The following KIF26A variants were observed in gnomAD, a reference collection of about 807,000 sequenced individuals.
The protein encoded by KIF26A is kinesin family member 26A.
Under a neutral mutation model 126.0 loss-of-function variants are expected in KIF26A, and 74 were observed. The ratio of observed to expected loss-of-function variants is 0.59; its 90% confidence interval spans 0.49 to 0.71. The LOEUF is 0.71. Ranked by LOEUF, KIF26A falls within the 30% of genes least tolerant of loss-of-function variation. The probability of loss-of-function intolerance (pLI) is 0.00; values close to 1 mark genes in which losing one functional copy is unlikely to be tolerated. For synonymous variants in KIF26A, 1,445 were observed against 1,232.7 expected, an observed-to-expected ratio of 1.17 and a Z score of -3.61; for missense variants, 2,984 against 2,763.3, an observed-to-expected ratio of 1.08 and a Z score of -1.79.
At chr14:104,149,231 T>G (rs1254843218) in intron 2 of KIF26A, among the ~76,000 whole-genome samples, 3 of 151,714 alleles carry the variant, frequency 2.0e-5, no homozygotes. Flanking sequence ...TGGGTGGGCC[T>G]CTCAGTGCCC....
chr14:104,155,692 G>A (rs890326436), intron 3 of KIF26A, among the ~76,000 whole-genome samples: 1 of 152,250 alleles, frequency 6.6e-6, no homozygotes, highest in Non-Finnish European at 1.5e-5. Flanking sequence ...GCGGTGTCCC[G>A]GCAGCGCGTG....
intron 4 of KIF26A, among the ~76,000 whole-genome samples, chr14:104,163,917 G>T (rs1197078329): frequency 1.3e-5 from 2 of 152,094 alleles, no homozygotes; most frequent in Non-Finnish European, 2.9e-5. Context: ...GTAGCCGTGG[G>T]TTTGGTTCCT....
At chr14:104,147,428 A>G (rs1326304457) in intron 2 of KIF26A, among the ~76,000 whole-genome samples, 1 of 151,930 alleles carries the variant, frequency 6.6e-6, no homozygotes, top group Non-Finnish European at 1.5e-5. Context: ...CCAGCAGAGG[A>G]GGAAGGGGGT....
At position 104,152,326 on chromosome 14, in the gene KIF26A, G is replaced by T. The variant is rs2037737639; in HGVS notation, c.600G>T (p.Gly200=). 4 of 1,580,654 alleles carry T rather than the reference G, an allele frequency of 2.5e-6. No homozygotes were observed. The highest frequency in any genetic ancestry group is 2.3e-5 in the South Asian group (2 of 86,610). Residue 200 remains glycine, a synonymous_variant, in exon 3 of 15, where the codon GGG becomes GGT. Transcript: ENST00000423312. This position sits in a 1 kb window ranked among gnomAD's most constrained non-coding sequence, Gnocchi z 5.9. ...CCAAGGGGCTGGCCTGGTCCCCCGG[G>T]CCCAGTGTCCAGGTGTCTGTAGCAC... The part of the protein sequence containing the change: ...DRTKGLAWSP[G]PSVQVSVAPA...
rs1230129788 is a variant in KIF26A, at chr14:104,175,039, C to T, written c.2251C>T (p.Pro751Ser). 6.4e-7 allele frequency: 1 copy of T among 1,568,722 alleles called. No homozygotes were observed. Among genetic ancestry groups the T allele is most frequent in the Non-Finnish European group, 8.6e-7 (1 of 1,160,304 alleles). The change falls in exon 12 of 15, where the codon CCC (proline) becomes TCC (serine). Residue 751 changes from proline (P) to serine (S), a missense_variant. Coordinates refer to ENST00000423312, the MANE Select transcript of KIF26A (RefSeq NM_015656.2). ...SSCEEGRARR[P>S]PHLRPFHPRT... ...CTGTGAGGAAGGCCGGGCCCGTCGG[C>T]CCCCGCACCTGCGGCCCTTCCACCC...
Position 104,171,714 on chromosome 14 carries a change from C to T in KIF26A, c.1114-9C>T. On this transcript the variant is annotated splice_polypyrimidine_tract_variant and intron_variant, in intron 5 of 14. Coordinates refer to ENST00000423312, the MANE Select transcript of KIF26A (RefSeq NM_015656.2). ...GCAGCTTCTCAGGTGCCGCCCACCT[C>T]TGCCCCAGGTGAAGGTTATGCTGCG... 6.4e-7 allele frequency: 1 copy of T among 1,557,412 alleles called. No individual in the cohort carries two copies. Among genetic ancestry groups the T allele is most frequent in the Non-Finnish European group, 8.7e-7 (1 of 1,151,712 alleles).
intron 2 of KIF26A, among the ~76,000 whole-genome samples, chr14:104,142,202 G>T (rs1204056324): frequency 6.6e-6 from 1 of 152,140 alleles, no homozygotes; most frequent in Non-Finnish European, 1.5e-5. Context: ...GGCCGTAGGG[G>T]AGGGGGACAT....
At position 104,179,858 on chromosome 14, in the gene KIF26A, G is replaced by A. The variant is rs1234475402; in HGVS notation, c.*68G>A. 77 of 1,414,242 alleles carry A rather than the reference G, an allele frequency of 5.4e-5. No homozygotes were observed. Among genetic ancestry groups the A allele is most frequent in the Non-Finnish European group, 6.8e-5 (73 of 1,067,070 alleles). The allele number at this position is 1,414,242 out of a possible 1,614,324, so 87.6% of individuals were successfully genotyped here. On this transcript the variant is annotated 3_prime_UTR_variant, in exon 15 of 15. Coordinates refer to ENST00000423312, the MANE Select transcript of KIF26A (RefSeq NM_015656.2). ...AGGACGGGACGTGGGACGGAGCGAG[G>A]ATGTGGTGGGGGCTGCGGGGGGAGG...
intron 5 of KIF26A, among the ~76,000 whole-genome samples, chr14:104,170,481 A>G (rs918211260): frequency 1.3e-4 from 20 of 152,178 alleles, no homozygotes; most frequent in Non-Finnish European, 1.0e-4. Flanking sequence ...TGGTAAACCA[A>G]TTTTGCCGGC....
chr14:104,149,692 A>G lies in KIF26A; in HGVS notation c.289-2323A>G, dbSNP rs150721831. Among the ~76,000 whole-genome samples, 7 of 152,162 alleles carry G rather than the reference A, an allele frequency of 4.6e-5. No individual in the cohort carries two copies. In the East Asian group the frequency reaches 1.2e-3, roughly 25 times the overall value. ...CTGGCCAGCCCGTGGTGGGTGGTGC[A>G]TTCTCAGGTCGATCCGGGCTTCCTC... On this transcript the variant is annotated intron_variant, in intron 2 of 14. Transcript: ENST00000423312.
intron 2 of KIF26A, among the ~76,000 whole-genome samples, chr14:104,140,059 C>T (rs1331657261): frequency 6.6e-6 from 1 of 151,374 alleles, no homozygotes; most frequent in Non-Finnish European, 1.5e-5. Context: ...CGCTGCCGGG[C>T]CTTCAGCCTT....
In KIF26A at chr14:104,175,994, G is replaced by A; in HGVS notation, c.3206G>A (p.Gly1069Glu). Residue 1069 changes from glycine to glutamate, a missense_variant, in exon 12 of 15, where the codon GGG becomes GAG. Transcript: ENST00000423312. ...SDCSLRALAS[G>E]SRPVSIISSI... Reference sequence around the variant, plus strand: ...TGCTCCCTGCGGGCCCTGGCCTCGGGGTCCCGGCCAGTCAGCATCATCAGC... The same window carrying A: ...TGCTCCCTGCGGGCCCTGGCCTCGGAGTCCCGGCCAGTCAGCATCATCAGC... 1.9e-6 allele frequency: 3 copies of A among 1,581,594 alleles called. No individual in the cohort carries two copies. The highest frequency in any genetic ancestry group is 2.3e-5 in the South Asian group (2 of 87,900).
intron 4 of KIF26A, among the ~76,000 whole-genome samples, chr14:104,166,116 C>T (rs999007033): frequency 7.9e-5 from 12 of 151,964 alleles, no homozygotes; most frequent in South Asian, 2.1e-4. Flanking sequence ...GAGGCGCTCG[C>T]CCTGGCTGAG....
At chr14:104,170,291 G>A (rs1021768449) in intron 5 of KIF26A, among the ~76,000 whole-genome samples, 3 of 152,188 alleles carry the variant, frequency 2.0e-5, no homozygotes, top group East Asian at 1.9e-4. Context: ...TTTTGATCAC[G>A]TCGTCGGGGG....
At chr14:104,139,414 G>A in intron 2 of KIF26A, 126 bp downstream of exon 2, 1 of 1,202,002 alleles carries the variant, frequency 8.3e-7, no homozygotes, top group Non-Finnish European at 1.1e-6. Context: ...AGAGTTATCA[G>A]CCAGGACTTC....
At chr14:104,164,695 C>T (rs1240642739) in intron 4 of KIF26A, among the ~76,000 whole-genome samples, 1 of 150,514 alleles carries the variant, frequency 6.6e-6, no homozygotes, top group Non-Finnish European at 1.5e-5. Flanking sequence ...TGTGTGTGCT[C>T]TGTGTGTGTA....
At position 104,165,695 on chromosome 14, in the gene KIF26A, G is replaced by C. The variant is rs925607825; in HGVS notation, c.924-1164G>C. Among the ~76,000 whole-genome samples the C allele has an allele frequency of 1.5e-3, 218 of 140,932 alleles. 10 individuals carry two copies. Among genetic ancestry groups the C allele is most frequent in the African/African-American group, 6.5e-3 (203 of 31,080 alleles). 92.5% of individuals were successfully genotyped at this position (140,932 alleles called of 152,430 possible). A position where few individuals can be genotyped will look rare whatever the true frequency, so the allele number is the denominator to read the frequency against. ...TCTGTATGCATATGTGTGACTGTGT[G>C]TCTCTGTCTCTGTGCATATGTGTGT... On this transcript the variant is annotated intron_variant, in intron 4 of 14. Transcript: ENST00000423312.
At chr14:104,179,103 C>A (rs2038070948) in intron 13 of KIF26A, 133 bp from the exon 14 acceptor site, 3 of 1,096,906 alleles carry the variant, frequency 2.7e-6, no homozygotes, top group Non-Finnish European at 3.7e-6. Flanking sequence ...CCGCCCCCTG[C>A]CCGCCCTTGG....
intron 2 of KIF26A, among the ~76,000 whole-genome samples, chr14:104,144,919 G>T (rs1033848693): frequency 6.6e-6 from 1 of 152,238 alleles, no homozygotes; most frequent in African/African-American, 2.4e-5. Context: ...AGCTTGTGCT[G>T]TTGGGGGGAG....
Sources: gnomAD v4.1 joint callset for allele counts (sites outside exome capture counted in the v4.1 genomes callset) on GRCh38, gnomAD v4.1.1 for gene constraint, Gnocchi (gnomAD v3.1) non-coding constraint, MANE v1.5 for transcripts, NCBI Gene and HGNC (gene_info 2026-07-23, HGNC 2026-07-21) for gene names.